The following EXD3 variants were observed in gnomAD, a reference collection of about 807,000 sequenced individuals.
EXD3 encodes exonuclease mut-7 homolog.
EXD3 carries 92 observed loss-of-function variants against 98.0 expected under a neutral mutation model. That is an observed-to-expected ratio of 0.94 (90% CI 0.79 to 1.12). EXD3 has a LOEUF of 1.12. Ranked by LOEUF, EXD3 falls within the 50% of genes most tolerant of loss-of-function variation. The pLI, the probability that EXD3 is intolerant of heterozygous loss-of-function variation, is 0.00. For missense variants in EXD3, 1,222 were observed against 1,191.6 expected, an observed-to-expected ratio of 1.03 and a Z score of -0.38; for synonymous variants, 569 against 526.0, an observed-to-expected ratio of 1.08 and a Z score of -1.12.
At chr9:137,354,675 C>T (rs1834516245) in intron 9 of EXD3, 25 bp downstream of exon 9, 2 of 1,609,392 alleles carry the variant, frequency 1.2e-6, no homozygotes, top group African/African-American at 1.3e-5. Context: ...CTGGCTGCCC[C>T]CAGGACCCCC....
intron 19 of EXD3, 97 bp from the exon 20 acceptor site, chr9:137,309,797 A>G (rs1451465467): frequency 3.3e-6 from 3 of 900,542 alleles, no homozygotes; most frequent in East Asian, 5.3e-5. Flanking sequence ...GGGTCTGGCC[A>G]TGGGGTTTCA....
intron 7 of EXD3, among the ~76,000 whole-genome samples, chr9:137,358,298 C>A (rs572808506): frequency 6.6e-6 from 1 of 152,184 alleles, no homozygotes; most frequent in Non-Finnish European, 1.5e-5. Flanking sequence ...GGCTGAGAAG[C>A]GTCTGTGCAC....
intron 5 of EXD3, among the ~76,000 whole-genome samples, chr9:137,369,946 A>T (rs1835504677): frequency 6.6e-6 from 1 of 152,186 alleles, no homozygotes; most frequent in Non-Finnish European, 1.5e-5. Flanking sequence ...CTTTCTGGAC[A>T]TGCAGGCGTC....
Position 137,393,310 on chromosome 9 carries a change from C to G in EXD3, c.55+1993G>C. ...CGCTCCCCGGCCCTGACGGCGGTCT[C>G]CAGGGGAGGTAACAGGGCCTCATCC... On this transcript the variant is annotated intron_variant, in intron 2 of 21. Transcript: ENST00000340951. The surrounding 1 kb of genome is among the most constrained non-coding windows in gnomAD (Gnocchi z 4.6). 1 of 695,482 alleles carries G rather than the reference C, an allele frequency of 1.4e-6. No individual in the cohort carries two copies. The highest frequency in any genetic ancestry group is 1.5e-5 in the South Asian group (1 of 67,180). 43.1% of individuals were successfully genotyped at this position (695,482 alleles called of 1,614,324 possible).
chr9:137,390,248 G>C (rs1836831809), intron 2 of EXD3, among the ~76,000 whole-genome samples: 1 of 150,632 alleles, frequency 6.6e-6, no homozygotes, highest in Non-Finnish European at 1.5e-5. Flanking sequence ...GGCTAACATG[G>C]TGAAACCCCA....
Position 137,417,120 on chromosome 9 carries a change from C to T in EXD3, c.-48+5994G>A, listed in dbSNP as rs559761742. 3.9e-5 allele frequency among the ~76,000 whole-genome samples: 6 copies of T among 152,266 alleles called. No individual in the cohort carries two copies. The East Asian group carries it at 1.2e-3, about 30-fold the overall frequency. ...GAGCTCCCGGGCAAAGCCGGGGCCG[C>T]GTTGCGGGGTTTCATCCCCGAGGGA... On this transcript the variant is annotated intron_variant, in intron 1 of 21. Coordinates refer to ENST00000340951, the MANE Select transcript of EXD3 (RefSeq NM_017820.5).
chr9:137,379,050 T>TG (rs1204872182), intron 3 of EXD3, among the ~76,000 whole-genome samples: 24 of 97,624 alleles, frequency 2.5e-4, no homozygotes, highest in African/African-American at 5.4e-4. Context: ...CCGAGGGGAA[T>TG]GGGGCGTCTG....
intron 17 of EXD3, among the ~76,000 whole-genome samples, chr9:137,346,849 T>G (rs956950544): frequency 6.6e-6 from 1 of 152,228 alleles, no homozygotes; most frequent in Non-Finnish European, 1.5e-5. Context: ...AGTCTTGCTC[T>G]GTCACCCAGG....
chr9:137,315,800 C>A (rs1014655426), intron 19 of EXD3, among the ~76,000 whole-genome samples: 1 of 151,960 alleles, frequency 6.6e-6, no homozygotes, highest in African/African-American at 2.4e-5. Context: ...AGCCCCAGAC[C>A]CCACTCCCCG....
At chr9:137,372,348 G>A (rs1835666130) in intron 5 of EXD3, among the ~76,000 whole-genome samples, 1 of 152,232 alleles carries the variant, frequency 6.6e-6, no homozygotes, top group African/African-American at 2.4e-5. Context: ...CTGTGAGTGG[G>A]CACCACTCTG....
intron 1 of EXD3, among the ~76,000 whole-genome samples, chr9:137,414,903 G>T (rs1056831908): frequency 6.6e-6 from 1 of 152,098 alleles, no homozygotes; most frequent in Non-Finnish European, 1.5e-5. Context: ...TGTTGTCCAG[G>T]CTGAGACGGA....
At chr9:137,354,520 G>A (rs1834505787) in intron 9 of EXD3, 143 bp from the exon 10 acceptor site, 1 of 1,539,512 alleles carries the variant, frequency 6.5e-7, no homozygotes, top group Non-Finnish European at 8.7e-7. Flanking sequence ...ACAGCCCAGA[G>A]CCAGGGCCCC....
intron 7 of EXD3, among the ~76,000 whole-genome samples, chr9:137,357,740 A>ATG (rs994202050): frequency 8.0e-5 from 6 of 75,330 alleles, no homozygotes; most frequent in East Asian, 7.6e-4. Context: ...ATATATATAT[A>ATG]TGTGTATATA....
rs931003955 is a variant in EXD3, at chr9:137,403,422, CCAGCAG to C, written c.-47-8024_-47-8019del. Among the ~76,000 whole-genome samples, 7 of 40,568 alleles carry C rather than the reference CCAGCAG, an allele frequency of 1.7e-4. No homozygotes were observed. The highest frequency in any genetic ancestry group is 3.0e-4 in the African/African-American group (3 of 9,864). 26.6% of individuals were successfully genotyped at this position (40,568 alleles called of 152,430 possible). On this transcript the variant is annotated intron_variant, in intron 1 of 21. Coordinates refer to ENST00000340951, the MANE Select transcript of EXD3 (RefSeq NM_017820.5). The surrounding 1 kb of genome is among the most constrained non-coding windows in gnomAD (Gnocchi z 6.1). ...CTCTGTAGCCCTCCCCACCCCCAGCCCAGCAGCAGCAGCAGCCAGCACACCCTGGCC... is the reference window on the plus strand; with the variant it reads ...CTCTGTAGCCCTCCCCACCCCCAGCCCAGCAGCAGCCAGCACACCCTGGCC...
intron 17 of EXD3, among the ~76,000 whole-genome samples, chr9:137,331,284 C>A (rs1833051871): frequency 6.6e-6 from 1 of 152,084 alleles, no homozygotes; most frequent in Non-Finnish European, 1.5e-5. Context: ...TATGACAAAC[C>A]CGCAGCCAAC....
chr9:137,418,442 C>G (rs1249776464), intron 1 of EXD3, among the ~76,000 whole-genome samples: 3 of 152,176 alleles, frequency 2.0e-5, no homozygotes, highest in African/African-American at 7.2e-5. Context: ...AGCTTATATA[C>G]TTTAGTATCT....
intron 17 of EXD3, chr9:137,345,760 T>C (rs1833899032): frequency 6.6e-6 from 1 of 151,924 alleles, no homozygotes; most frequent in Non-Finnish European, 1.5e-5. Flanking sequence ...AAATGTTCTC[T>C]CCAGAAAATG....
intron 1 of EXD3, among the ~76,000 whole-genome samples, chr9:137,413,063 T>A (rs1443400909): frequency 2.6e-5 from 4 of 152,204 alleles, no homozygotes; most frequent in African/African-American, 9.7e-5. Flanking sequence ...ATTACAGGCG[T>A]GAGCCACCAC....
intron 17 of EXD3, among the ~76,000 whole-genome samples, chr9:137,336,656 T>TA (rs34705760): frequency 0.83 from 92,867 of 112,464 alleles, 38,163 homozygotes; most frequent in East Asian, 0.99. Flanking sequence ...AGACTCCGTC[T>TA]AAAAAAAAAA....
Sources: gnomAD v4.1 joint callset for allele counts (sites outside exome capture counted in the v4.1 genomes callset) on GRCh38, gnomAD v4.1.1 for gene constraint, Gnocchi (gnomAD v3.1) non-coding constraint, MANE v1.5 for transcripts, NCBI Gene and HGNC (gene_info 2026-07-23, HGNC 2026-07-21) for gene names.